The following MVB12B variants were observed in gnomAD, a reference collection of about 807,000 sequenced individuals.
MVB12B encodes the protein ESCRT-I complex subunit MVB12B.
In MVB12B, 16 loss-of-function variants were observed where a neutral mutation model predicts 41.6. That is an observed-to-expected ratio of 0.38 (90% CI 0.26 to 0.58). The LOEUF (loss-of-function observed/expected upper bound fraction) is 0.58. Ranked by LOEUF, MVB12B falls within the 20% of genes least tolerant of loss-of-function variation. MVB12B has a pLI of 0.62. For missense variants in MVB12B, 274 were observed against 380.2 expected, an observed-to-expected ratio of 0.72 and a Z score of 2.32; for synonymous variants, 133 against 139.7, an observed-to-expected ratio of 0.95 and a Z score of 0.34.
chr9:126,423,320 G>A (rs1832079310), intron 7 of MVB12B, among the ~76,000 whole-genome samples: 1 of 152,160 alleles, frequency 6.6e-6, no homozygotes, highest in Non-Finnish European at 1.5e-5. Context: ...CCAGCTGTTG[G>A]CGTTTCTGCA....
chr9:126,410,748 C>T (rs546638068), intron 6 of MVB12B, among the ~76,000 whole-genome samples: 7 of 152,232 alleles, frequency 4.6e-5, no homozygotes, highest in African/African-American at 1.7e-4. Flanking sequence ...TTTCATTGCT[C>T]GGGCCTCTTC....
chr9:126,358,637 C>T (rs1339543399), intron 2 of MVB12B, among the ~76,000 whole-genome samples: 1 of 152,194 alleles, frequency 6.6e-6, no homozygotes, highest in Non-Finnish European at 1.5e-5. Context: ...TGTAGATTGA[C>T]TTGGTATTCT....
chr9:126,401,496 C>T (rs1394814634), intron 6 of MVB12B, among the ~76,000 whole-genome samples: 1 of 152,252 alleles, frequency 6.6e-6, no homozygotes, highest in Admixed American at 6.5e-5. Flanking sequence ...TGCATTTAGT[C>T]TTCCTCTCAG....
chr9:126,332,598 G>A (rs1314069971), intron 1 of MVB12B, among the ~76,000 whole-genome samples: 2 of 152,184 alleles, frequency 1.3e-5, no homozygotes, highest in Non-Finnish European at 2.9e-5. Context: ...CATGGTGTGT[G>A]TCCTGTATGG....
chr9:126,349,486 T>C (rs926902787), intron 2 of MVB12B, among the ~76,000 whole-genome samples: 12 of 152,332 alleles, frequency 7.9e-5, no homozygotes, highest in Admixed American at 6.5e-4. Context: ...GTTTTATAGC[T>C]ACACTCACTT....
intron 6 of MVB12B, among the ~76,000 whole-genome samples, chr9:126,410,174 C>T (rs74392245): frequency 0.13 from 18,634 of 144,176 alleles, 1,524 homozygotes; most frequent in East Asian, 0.38. Flanking sequence ...TGTGTGTGTG[C>T]ACGCATGCAC....
intron 2 of MVB12B, among the ~76,000 whole-genome samples, chr9:126,372,693 G>A (rs1830371843): frequency 6.6e-6 from 1 of 152,126 alleles, no homozygotes; most frequent in Non-Finnish European, 1.5e-5. Context: ...TTTTAGGTGA[G>A]GCTCAGAGAG....
Position 126,340,490 on chromosome 9 carries a change from T to C in MVB12B, c.82-18T>C. 6.2e-7 allele frequency: 1 copy of C among 1,612,308 alleles called. No homozygotes were observed. The highest frequency in any genetic ancestry group is 1.1e-5 in the South Asian group (1 of 90,954). On this transcript the variant is annotated intron_variant, in intron 1 of 9. Transcript: ENST00000361171. This position sits in a 1 kb window ranked among gnomAD's most constrained non-coding sequence, Gnocchi z 4.0. Reference sequence around the variant, plus strand: ...CTATGTTTGAATTTTGTGTTTTCTTTTTCCTTTGCTGAACCAGGACCAGTC... The same window carrying C: ...CTATGTTTGAATTTTGTGTTTTCTTCTTCCTTTGCTGAACCAGGACCAGTC...
intron 2 of MVB12B, among the ~76,000 whole-genome samples, chr9:126,356,437 T>A (rs955485645): frequency 2.0e-5 from 3 of 152,192 alleles, no homozygotes; most frequent in African/African-American, 7.2e-5. Flanking sequence ...GCGCATGGAT[T>A]TTTTTGATAG....
chr9:126,462,830 G>A (rs543642668), intron 7 of MVB12B, among the ~76,000 whole-genome samples: 27 of 152,264 alleles, frequency 1.8e-4, no homozygotes, highest in African/African-American at 5.3e-4. Flanking sequence ...GCCGCCTCAC[G>A]CCCATTTCCC....
chr9:126,403,305 G>A (rs944689716), intron 6 of MVB12B, among the ~76,000 whole-genome samples: 1 of 152,164 alleles, frequency 6.6e-6, no homozygotes, highest in Non-Finnish European at 1.5e-5. Context: ...CCTTCACCAT[G>A]CACCTCAGTT....
At chr9:126,338,483 T>C (rs755417551) in intron 1 of MVB12B, among the ~76,000 whole-genome samples, 2 of 152,092 alleles carry the variant, frequency 1.3e-5, no homozygotes, top group Admixed American at 1.3e-4. Context: ...AATAAGATAC[T>C]GCTTATTCAT....
chr9:126,348,821 C>A (rs1209621370), intron 2 of MVB12B, among the ~76,000 whole-genome samples: 1 of 152,076 alleles, frequency 6.6e-6, no homozygotes, highest in Non-Finnish European at 1.5e-5. Context: ...TACCCCCCAC[C>A]AATGGTAAAG....
chr9:126,329,994 G>C (rs956253942), intron 1 of MVB12B, among the ~76,000 whole-genome samples: 1 of 148,982 alleles, frequency 6.7e-6, no homozygotes, highest in Non-Finnish European at 1.5e-5. Flanking sequence ...TCCCTGCGCT[G>C]TCTGCACTAG....
At chr9:126,499,775 C>T (rs1833913912) in intron 9 of MVB12B, among the ~76,000 whole-genome samples, 2 of 152,176 alleles carry the variant, frequency 1.3e-5, no homozygotes, top group South Asian at 4.1e-4. Flanking sequence ...GAAAAAATCC[C>T]GAGGGAGAGA....
Position 126,503,933 on chromosome 9 carries a change from G to A in MVB12B, c.*670G>A, listed in dbSNP as rs1168863922. 2.0e-5 allele frequency: 3 copies of A among 152,496 alleles called. No individual in the cohort carries two copies. Among genetic ancestry groups the A allele is most frequent in the Non-Finnish European group, 4.4e-5 (3 of 68,266 alleles). 9.4% of individuals were successfully genotyped at this position (152,496 alleles called of 1,614,324 possible). A position where few individuals can be genotyped will look rare whatever the true frequency, so the allele number is the denominator to read the frequency against. On this transcript the variant is annotated 3_prime_UTR_variant, in exon 10 of 10. Coordinates refer to ENST00000361171, the MANE Select transcript of MVB12B (RefSeq NM_033446.3). ...GGTGGAGGGGTTGTTGCTTTCTGGG[G>A]AGGAGGACGGTTGACGGCCCTGCTT... is the stretch of plus-strand genomic sequence containing the variant.
chr9:126,478,269 G>A lies in MVB12B; in HGVS notation c.758-3100G>A, dbSNP rs1564345399. Among the ~76,000 whole-genome samples the A allele has an allele frequency of 6.6e-6, 1 of 152,138 alleles. No individual in the cohort carries two copies. The highest frequency in any genetic ancestry group is 1.5e-5 in the Non-Finnish European group (1 of 68,028). On this transcript the variant is annotated intron_variant, in intron 7 of 9. Transcript: ENST00000361171. The surrounding 1 kb of genome is among the most constrained non-coding windows in gnomAD (Gnocchi z 4.2). The stretch of plus-strand genomic sequence containing the variant: ...TCATCTCCAGCAGCAGCAGGCGGGG[G>A]TAGCAGTGAGCAGGGTCCCCAGGTC...
chr9:126,347,268 G>T (rs990120301), intron 2 of MVB12B, among the ~76,000 whole-genome samples: 7 of 152,234 alleles, frequency 4.6e-5, no homozygotes, highest in Non-Finnish European at 5.9e-5. Flanking sequence ...GCCCCTGCAC[G>T]CTGGGAAGCC....
At chr9:126,357,349 T>C (rs891232414) in intron 2 of MVB12B, among the ~76,000 whole-genome samples, 2 of 152,214 alleles carry the variant, frequency 1.3e-5, no homozygotes, top group Non-Finnish European at 2.9e-5. Context: ...ACACATTCAT[T>C]TCCTATGGAT....
Sources: allele counts gnomAD v4.1 joint callset (sites outside exome capture counted in the v4.1 genomes callset), GRCh38; gene constraint gnomAD v4.1.1; non-coding constraint Gnocchi (gnomAD v3.1); transcripts MANE v1.5; gene names NCBI Gene and HGNC (gene_info 2026-07-23, HGNC 2026-07-21).